GRID1: variants seen among roughly 807,000 people sequenced by gnomAD.
The protein encoded by GRID1 is glutamate ionotropic receptor delta type subunit 1.
A neutral mutation model predicts 98.0 loss-of-function variants in GRID1; 28 were observed. The ratio of observed to expected loss-of-function variants is 0.29; its 90% CI spans 0.21 to 0.39. The LOEUF (loss-of-function observed/expected upper bound fraction) is 0.39. Ranked by LOEUF, GRID1 falls within the 10% of genes least tolerant of loss-of-function variation. GRID1 has a pLI of 1.00. For missense variants in GRID1, 1,111 were observed against 1,340.5 expected (o/e 0.83, Z 2.67); for synonymous variants, 553 against 538.5 (o/e 1.03, Z -0.37).
chr10:85,817,654 G>C (rs1311363392), intron 8 of GRID1, among the ~76,000 whole-genome samples: 1 of 152,330 alleles, frequency 6.6e-6, no homozygotes, highest in Non-Finnish European at 1.5e-5. Flanking sequence ...AGCACTTTGG[G>C]AGGCCGAGGC....
At chr10:85,712,831 G>GA (rs1047691056) in intron 12 of GRID1, among the ~76,000 whole-genome samples, 1 of 151,044 alleles carries the variant, frequency 6.6e-6, no homozygotes, top group Non-Finnish European at 1.5e-5. Context: ...GTAGATCATA[G>GA]AAAAAATCAA....
At chr10:85,688,031 A>G (rs1841289126) in intron 12 of GRID1, among the ~76,000 whole-genome samples, 1 of 152,256 alleles carries the variant, frequency 6.6e-6, no homozygotes, top group African/African-American at 2.4e-5. Flanking sequence ...CTATTAAGTC[A>G]AAACAGATTC....
intron 2 of GRID1, among the ~76,000 whole-genome samples, chr10:86,298,786 T>C (rs1847634221): frequency 6.6e-6 from 1 of 152,208 alleles, no homozygotes; most frequent in Non-Finnish European, 1.5e-5. Context: ...TGGGGTTTCC[T>C]TGAGGGCAGT....
At chr10:86,213,611 A>G (rs1274766168) in intron 2 of GRID1, among the ~76,000 whole-genome samples, 1 of 151,910 alleles carries the variant, frequency 6.6e-6, no homozygotes, top group Non-Finnish European at 1.5e-5. Flanking sequence ...TCCATCATGT[A>G]TACCCTCTCT....
chr10:86,188,741 A>G (rs1381034824), intron 3 of GRID1, among the ~76,000 whole-genome samples: 2 of 151,988 alleles, frequency 1.3e-5, no homozygotes, highest in Non-Finnish European at 2.9e-5. Context: ...CCAAAACAGA[A>G]CCCCAAATGT....
At chr10:86,186,862 A>G (rs377319713) in intron 3 of GRID1, among the ~76,000 whole-genome samples, 1 of 152,244 alleles carries the variant, frequency 6.6e-6, no homozygotes, top group Non-Finnish European at 1.5e-5. Context: ...CAGCCACAAG[A>G]GAGTCCAGCA....
intron 12 of GRID1, among the ~76,000 whole-genome samples, chr10:85,707,593 C>T (rs1841534922): frequency 6.6e-6 from 1 of 152,178 alleles, no homozygotes; most frequent in Admixed American, 6.5e-5. Flanking sequence ...TACCATTTGA[C>T]CCACCTATCC....
rs11528418 is a variant in GRID1 at position 86,273,898 on chromosome 10, C to A, written c.236-67250G>T. On this transcript the variant is annotated intron_variant, in intron 2 of 15. Coordinates refer to ENST00000327946, the MANE Select transcript of GRID1 (RefSeq NM_017551.3). ...TCTCATGGTAGTTTCTTTTGCTGTG[C>A]AGAAGCTCTTTAGTTTAATTAGATC... 1.4e-4 allele frequency among the ~76,000 whole-genome samples: 21 copies of A among 151,940 alleles called. No homozygotes were observed. The East Asian group carries it at 3.3e-3, about 24-fold the overall frequency.
intron 4 of GRID1, among the ~76,000 whole-genome samples, chr10:85,991,843 G>T (rs1842684320): frequency 6.6e-6 from 1 of 151,362 alleles, no homozygotes; most frequent in Admixed American, 6.6e-5. Flanking sequence ...AGCAATCACT[G>T]AAAGGGGATG....
At chr10:86,185,549 T>G (rs1845715272) in intron 3 of GRID1, among the ~76,000 whole-genome samples, 1 of 152,166 alleles carries the variant, frequency 6.6e-6, no homozygotes, top group South Asian at 2.1e-4. Context: ...TTGCTCCTGA[T>G]CTTAAGGGAC....
chr10:85,759,647 G>A (rs1842129170), intron 8 of GRID1, among the ~76,000 whole-genome samples: 1 of 152,302 alleles, frequency 6.6e-6, no homozygotes, highest in South Asian at 2.1e-4. Context: ...TTAGGTCTTG[G>A]AGAAACAAAT....
At chr10:85,652,506 G>A (rs1002713376) in intron 12 of GRID1, among the ~76,000 whole-genome samples, 2 of 152,140 alleles carry the variant, frequency 1.3e-5, no homozygotes, top group African/African-American at 4.8e-5. Flanking sequence ...TGGTGGAGTG[G>A]CTCAAAAGAC....
intron 8 of GRID1, among the ~76,000 whole-genome samples, chr10:85,825,933 AAAG>A (rs1270491069): frequency 1.3e-5 from 2 of 152,190 alleles, no homozygotes; most frequent in African/African-American, 2.4e-5. Flanking sequence ...TTAAGGTAAA[AAAG>A]AAGAGGAAAA....
At chr10:85,998,881 C>A (rs1842770844) in intron 4 of GRID1, among the ~76,000 whole-genome samples, 1 of 152,178 alleles carries the variant, frequency 6.6e-6, no homozygotes, top group South Asian at 2.1e-4. Context: ...ACACTTAAAC[C>A]TAGCAGCTTA....
At chr10:85,740,756 CT>C (rs34684480) in intron 8 of GRID1, among the ~76,000 whole-genome samples, 57,040 of 147,002 alleles carry the variant, frequency 0.39, 11,081 homozygotes, top group African/African-American at 0.5. Context: ...ATACACTGTA[CT>C]TTTTTTTTTT....
rs534516225 is a variant in GRID1 at position 86,107,304 on chromosome 10, C to T, written c.726+31515G>A. ...GCCCAAACAGCTATTCTGCTGGAGA[C>T]CTTTGACTGCTGGAGGTGTGCCCTG... On this transcript the variant is annotated intron_variant, in intron 4 of 15. Transcript: ENST00000327946. Among the ~76,000 whole-genome samples the T allele has an allele frequency of 1.5e-4, 23 of 152,354 alleles. No individual in the cohort carries two copies. The South Asian group carries it at 4.8e-3, about 32-fold the overall frequency.
intron 4 of GRID1, among the ~76,000 whole-genome samples, chr10:85,923,878 G>A (rs1841740076): frequency 6.6e-6 from 1 of 152,164 alleles, no homozygotes; most frequent in South Asian, 2.1e-4. Flanking sequence ...GAGCTACAGG[G>A]CCTTCTGCAA....
chr10:86,056,085 G>T (rs1747635253), intron 4 of GRID1, among the ~76,000 whole-genome samples: 1 of 152,186 alleles, frequency 6.6e-6, no homozygotes, highest in African/African-American at 2.4e-5. Flanking sequence ...ACAGCTTCCT[G>T]CCCAGCCTCA....
At chr10:85,659,912 T>C (rs1490619784) in intron 12 of GRID1, among the ~76,000 whole-genome samples, 2 of 152,240 alleles carry the variant, frequency 1.3e-5, no homozygotes, top group African/African-American at 4.8e-5. Flanking sequence ...CAGAGCCAAG[T>C]TGAGCTTGTT....
Sources: allele counts gnomAD v4.1 joint callset (sites outside exome capture counted in the v4.1 genomes callset), GRCh38; gene constraint gnomAD v4.1.1; transcripts MANE v1.5; gene names NCBI Gene and HGNC (gene_info 2026-07-23, HGNC 2026-07-21).